PCDHGB1: variants seen among roughly 807,000 people sequenced by gnomAD.
PCDHGB1 encodes the protein protocadherin gamma subfamily B, 1.
Under a neutral mutation model 56.6 loss-of-function variants are expected in PCDHGB1, and 34 were observed. The ratio of observed to expected loss-of-function variants is 0.60; its 90% confidence interval spans 0.46 to 0.80. PCDHGB1 has a LOEUF of 0.80. PCDHGB1 is among the 30% of genes least tolerant of loss of function. The pLI is 0.00. For synonymous variants in PCDHGB1, 561 were observed against 505.9 expected, an observed-to-expected ratio of 1.11 and a Z score of -1.46; for missense variants, 1,278 against 1,204.6, an observed-to-expected ratio of 1.06 and a Z score of -0.90.
intron 2 of PCDHGB1, among the ~76,000 whole-genome samples, chr5:141,495,702 T>G (rs1462896403): frequency 6.6e-6 from 1 of 152,212 alleles, no homozygotes; most frequent in African/African-American, 2.4e-5. Context: ...TCAATAAATG[T>G]GGAGTGAGTA....
chr5:141,491,938 C>A lies in PCDHGB1; in HGVS notation c.2410-2869C>A, dbSNP rs1207647899. Reference sequence around the variant, plus strand: ...TGTGGGCGAGGGGAGGTGGGACCGACCCCCACCCCTACACTCAAAAAAGGC... The same window carrying A: ...TGTGGGCGAGGGGAGGTGGGACCGAACCCCACCCCTACACTCAAAAAAGGC... On this transcript the variant is annotated intron_variant, in intron 1 of 3. Transcript: ENST00000523390. This position sits in a 1 kb window ranked among gnomAD's most constrained non-coding sequence, Gnocchi z 6.9. 1.7e-6 allele frequency: 2 copies of A among 1,199,072 alleles called. No homozygotes were observed. The highest frequency in any genetic ancestry group is 3.1e-5 in the Admixed American group (1 of 32,246). The allele number at this position is 1,199,072 out of a possible 1,614,324, so 74.3% of individuals were successfully genotyped here. A position where few individuals can be genotyped will look rare whatever the true frequency, so the allele number is the denominator to read the frequency against.
intron 1 of PCDHGB1, chr5:141,360,267 C>T (rs755623766): frequency 6.2e-7 from 1 of 1,613,986 alleles, no homozygotes; most frequent in Non-Finnish European, 8.5e-7. Context: ...TGGCCAAAAA[C>T]TCGGTCGTAG....
At chr5:141,443,977 AT>A (rs1443967001) in intron 1 of PCDHGB1, among the ~76,000 whole-genome samples, 1 of 152,020 alleles carries the variant, frequency 6.6e-6, no homozygotes, top group African/African-American at 2.4e-5. Context: ...CATCTAAGCT[AT>A]GTTAATTTTA....
In PCDHGB1 at chr5:141,477,279, C is replaced by T. The variant is rs2099408674; in HGVS notation, c.2410-17528C>T. ...GATGCTGGCGAGAACGGGCTGGTGA[C>T]CTGCGAAGTTCCACCGGGTCTCCCT... is the stretch of plus-strand genomic sequence containing the variant. On this transcript the variant is annotated intron_variant, in intron 1 of 3. Transcript: ENST00000523390. The surrounding 1 kb of genome is among the most constrained non-coding windows in gnomAD (Gnocchi z 4.9). 6.2e-7 allele frequency: 1 copy of T among 1,614,054 alleles called. No individual in the cohort carries two copies. Among genetic ancestry groups the T allele is most frequent in the Non-Finnish European group, 8.5e-7 (1 of 1,180,050 alleles).
intron 3 of PCDHGB1, among the ~76,000 whole-genome samples, chr5:141,508,789 A>C: frequency 1.4e-5 from 2 of 145,944 alleles, no homozygotes; most frequent in African/African-American, 2.6e-5. Context: ...CCCCTAAATC[A>C]CTCTGGAATC....
chr5:141,503,528 G>A (rs1411240550), intron 2 of PCDHGB1, among the ~76,000 whole-genome samples: 2 of 151,470 alleles, frequency 1.3e-5, no homozygotes, highest in Non-Finnish European at 2.9e-5. Flanking sequence ...GAACCTGGGA[G>A]GCAGAGGTTG....
chr5:141,419,321 T>G, intron 1 of PCDHGB1: 1 of 1,613,950 alleles, frequency 6.2e-7, no homozygotes, highest in Non-Finnish European at 8.5e-7. Context: ...CGGCCGTGTC[T>G]CCTACTCTCT....
At chr5:141,403,877 T>A in intron 1 of PCDHGB1, 1 of 1,613,796 alleles carries the variant, frequency 6.2e-7, no homozygotes, top group Non-Finnish European at 8.5e-7. Context: ...AAGTCTAGAT[T>A]ATGAAGAATG....
intron 1 of PCDHGB1, chr5:141,385,132 G>C (rs763210124): frequency 1.2e-6 from 2 of 1,614,094 alleles, no homozygotes; most frequent in African/African-American, 1.3e-5. Flanking sequence ...GGGCATGGAC[G>C]GGGTGCAGGC....
chr5:141,366,239 G>A, intron 1 of PCDHGB1: 3 of 1,613,776 alleles, frequency 1.9e-6, no homozygotes, highest in Non-Finnish European at 1.7e-6. Context: ...GGACAGAGAC[G>A]CGCTCAAGCA....
At chr5:141,406,185 A>G (rs1204342088) in intron 1 of PCDHGB1, among the ~76,000 whole-genome samples, 1 of 150,712 alleles carries the variant, frequency 6.6e-6, no homozygotes, top group Non-Finnish European at 1.5e-5. Flanking sequence ...CAATCCTCCC[A>G]CCTCAGCCTT....
At position 141,423,255 on chromosome 5, in the gene PCDHGB1, C is replaced by T. The variant is rs368969800; in HGVS notation, c.2409+70586C>T. ...GCATCCCCGAAGTCCTGGCGGACCT[C>T]GGCAGCCTCGAGTCTCTGGCTAACT... On this transcript the variant is annotated intron_variant, in intron 1 of 3. Transcript: ENST00000523390. 2.0e-5 allele frequency: 33 copies of T among 1,613,930 alleles called. No homozygotes were observed. In the East Asian group the frequency reaches 3.8e-4, roughly 19 times the overall value.
At chr5:141,407,930 C>T (rs2095001418) in intron 1 of PCDHGB1, 2 of 498,880 alleles carry the variant, frequency 4.0e-6, no homozygotes, top group Non-Finnish European at 6.9e-6. Flanking sequence ...CGCACGGAGC[C>T]TCTGGGCGCC....
At position 141,486,417 on chromosome 5, in the gene PCDHGB1, G is replaced by T. The variant is rs1298448753; in HGVS notation, c.2410-8390G>T. On this transcript the variant is annotated intron_variant, in intron 1 of 3. Transcript: ENST00000523390. The surrounding 1 kb of genome is among the most constrained non-coding windows in gnomAD (Gnocchi z 5.0). ...CTGGTGACTGCTGGACCCTTGGATCGAGAGGCCAAATCTAGCTATGACATC... is the reference window on the plus strand; with the variant it reads ...CTGGTGACTGCTGGACCCTTGGATCTAGAGGCCAAATCTAGCTATGACATC... The T allele has an allele frequency of 6.2e-7, 1 of 1,614,014 alleles. No homozygotes were observed. The highest frequency in any genetic ancestry group is 1.7e-5 in the Admixed American group (1 of 60,010).
chr5:141,401,250 GA>G (rs1387561920), intron 1 of PCDHGB1, among the ~76,000 whole-genome samples: 4 of 152,148 alleles, frequency 2.6e-5, no homozygotes, highest in African/African-American at 9.7e-5. Flanking sequence ...GCTAAGACAG[GA>G]GAATTGCTTG....
intron 1 of PCDHGB1, chr5:141,411,189 T>G (rs1222862554): frequency 6.6e-6 from 1 of 152,208 alleles, no homozygotes; most frequent in Non-Finnish European, 1.5e-5. Context: ...TCTTGGCATC[T>G]AAGAAAACAA....
intron 1 of PCDHGB1, chr5:141,389,046 G>A: frequency 1.9e-6 from 3 of 1,613,888 alleles, no homozygotes; most frequent in African/African-American, 1.3e-5. Context: ...GGAAGGTGAT[G>A]TTCCATTTAA....
chr5:141,403,315 A>C, intron 1 of PCDHGB1: 1 of 1,613,974 alleles, frequency 6.2e-7, no homozygotes, highest in African/African-American at 1.3e-5. Flanking sequence ...GAATAGAAAT[A>C]GAAGTAACTG....
At chr5:141,392,571 G>A (rs920993262) in intron 1 of PCDHGB1, 5 of 449,626 alleles carry the variant, frequency 1.1e-5, no homozygotes, top group African/African-American at 1.0e-4. Flanking sequence ...TAACTATTTA[G>A]GACTGTAAGC....
Sources: allele counts gnomAD v4.1 joint callset (sites outside exome capture counted in the v4.1 genomes callset), GRCh38; gene constraint gnomAD v4.1.1; non-coding constraint Gnocchi (gnomAD v3.1); transcripts MANE v1.5; gene names NCBI Gene and HGNC (gene_info 2026-07-23, HGNC 2026-07-21).